DIS3L2: variants seen among roughly 807,000 people sequenced by gnomAD.
DIS3L2 encodes DIS3 like 3'-5' exoribonuclease 2.
In DIS3L2, 34 loss-of-function variants were observed where a neutral mutation model predicts 97.5. The ratio of observed to expected loss-of-function variants is 0.35; its 90% CI spans 0.27 to 0.46. The LOEUF is 0.46. Among genes scored for constraint, DIS3L2 ranks in the 20% least tolerant of loss-of-function variants. The pLI, the probability that DIS3L2 is intolerant of heterozygous loss-of-function variation, is 1.00. For synonymous variants in DIS3L2, 435 were observed against 445.2 expected (o/e 0.98, Z 0.29); for missense variants, 1,038 against 1,146.0 (o/e 0.91, Z 1.36).
intron 6 of DIS3L2, among the ~76,000 whole-genome samples, chr2:232,114,200 C>T (rs751467031): frequency 8.6e-5 from 13 of 151,974 alleles, no homozygotes; most frequent in East Asian, 3.9e-4. Flanking sequence ...ATAAGACTCC[C>T]GTCCCTCCCA....
At chr2:232,335,648 A>G in intron 19 of DIS3L2, 125 bp from the exon 20 acceptor site, 2 of 1,102,176 alleles carry the variant, frequency 1.8e-6, no homozygotes, top group Admixed American at 4.7e-5. Context: ...AGCTCCCTCC[A>G]GCCAGGCAAG....
chr2:232,321,065 TAA>T (rs1412476322), intron 14 of DIS3L2, among the ~76,000 whole-genome samples: 3 of 152,074 alleles, frequency 2.0e-5, no homozygotes, highest in African/African-American at 7.2e-5. Flanking sequence ...CAGGGTGGCC[TAA>T]GAGTCTGGGT....
intron 9 of DIS3L2, among the ~76,000 whole-genome samples, chr2:232,183,806 A>C (rs1691358583): frequency 6.6e-6 from 1 of 152,210 alleles, no homozygotes; most frequent in Admixed American, 6.5e-5. Context: ...GATGAAGGTC[A>C]AATTAAGCAA....
At chr2:232,223,061 G>A (rs1282674154) in intron 10 of DIS3L2, among the ~76,000 whole-genome samples, 2 of 152,184 alleles carry the variant, frequency 1.3e-5, no homozygotes, top group African/African-American at 4.8e-5. Context: ...ATGTCTCAGT[G>A]CACCTTGTTA....
At chr2:232,180,342 C>T in intron 9 of DIS3L2, among the ~76,000 whole-genome samples, 1 of 30,610 alleles carries the variant, frequency 3.3e-5, no homozygotes, top group Non-Finnish European at 7.8e-5. Context: ...TGGTGCAGAG[C>T]TGAGTTCAAT....
intron 1 of DIS3L2, among the ~76,000 whole-genome samples, chr2:231,967,692 A>G (rs1262584128): frequency 1.3e-5 from 2 of 152,148 alleles, no homozygotes; most frequent in Non-Finnish European, 2.9e-5. Flanking sequence ...TGTTGAAATA[A>G]TGCATTTATT....
intron 8 of DIS3L2, among the ~76,000 whole-genome samples, chr2:232,154,924 G>T (rs1444535381): frequency 5.4e-5 from 5 of 93,192 alleles, no homozygotes; most frequent in Non-Finnish European, 1.1e-4. Flanking sequence ...TTCTTAAGCC[G>T]GTCTGAAAAG....
chr2:232,017,197 G>T (rs1041234919), intron 3 of DIS3L2, among the ~76,000 whole-genome samples: 3 of 151,814 alleles, frequency 2.0e-5, no homozygotes, highest in Non-Finnish European at 4.4e-5. Context: ...AGCGATTCTT[G>T]TGCCTCAGCC....
At chr2:232,116,276 G>A (rs1370340030) in intron 6 of DIS3L2, among the ~76,000 whole-genome samples, 2 of 152,162 alleles carry the variant, frequency 1.3e-5, no homozygotes, top group Non-Finnish European at 2.9e-5. Flanking sequence ...CTCAAGAAGG[G>A]AAGGCTCGAG....
At chr2:232,288,299 A>C (rs1483869830) in intron 13 of DIS3L2, among the ~76,000 whole-genome samples, 1 of 152,364 alleles carries the variant, frequency 6.6e-6, no homozygotes, top group Non-Finnish European at 1.5e-5. Context: ...CTTCACTGCC[A>C]CTTGGTTCTC....
chr2:232,303,295 T>C (rs1020429995), intron 14 of DIS3L2, among the ~76,000 whole-genome samples: 2 of 151,946 alleles, frequency 1.3e-5, no homozygotes, highest in African/African-American at 2.4e-5. Flanking sequence ...TGTTCCTCTG[T>C]TTCCATTTAG....
intron 8 of DIS3L2, among the ~76,000 whole-genome samples, chr2:232,157,858 A>G (rs1690538943): frequency 6.6e-6 from 1 of 152,158 alleles, no homozygotes; most frequent in Admixed American, 6.5e-5. Context: ...TCCCTTGAGC[A>G]AGCACTGCAG....
intron 1 of DIS3L2, among the ~76,000 whole-genome samples, chr2:231,962,960 A>T (rs1181861476): frequency 7.4e-5 from 11 of 149,058 alleles, no homozygotes; most frequent in African/African-American, 7.3e-5. Context: ...GTACATCCAC[A>T]TTTTTTTTTT....
chr2:232,194,992 T>G (rs1054986640), intron 9 of DIS3L2, among the ~76,000 whole-genome samples: 1 of 152,164 alleles, frequency 6.6e-6, no homozygotes, highest in African/African-American at 2.4e-5. Context: ...TATTTAATAT[T>G]AAAATCAGCC....
rs767240850 is a variant in DIS3L2 at position 232,210,442 on chromosome 2, G to C, written c.1204+37G>C. The stretch of plus-strand genomic sequence containing the variant: ...ATTTCTATAGCATCTTGGGTAGCAG[G>C]CAGTCTGCATGCCTGTGTGGTTAGC... On this transcript the variant is annotated intron_variant, in intron 10 of 20. Coordinates refer to ENST00000325385, the MANE Select transcript of DIS3L2 (RefSeq NM_152383.5). 3.2e-6 allele frequency: 5 copies of C among 1,576,832 alleles called. No homozygotes were observed. The South Asian group carries it at 4.4e-5, about 14-fold the overall frequency.
intron 9 of DIS3L2, among the ~76,000 whole-genome samples, chr2:232,164,024 G>A (rs1690733415): frequency 6.6e-6 from 1 of 152,170 alleles, no homozygotes. Flanking sequence ...TTGCAACCAA[G>A]ACCATATGGC....
intron 5 of DIS3L2, among the ~76,000 whole-genome samples, chr2:232,074,571 C>CTT (rs66518544): frequency 6.0e-4 from 62 of 104,170 alleles, no homozygotes; most frequent in African/African-American, 1.7e-3. Flanking sequence ...ATCAAGGAAC[C>CTT]TTTTTTTTTT....
At chr2:232,329,785 T>TCCCCGGGGGGGC in intron 14 of DIS3L2, 28 bp from the exon 15 acceptor site, 118 of 967,070 alleles carry the variant, frequency 1.2e-4, no homozygotes, top group Non-Finnish European at 1.3e-4. Flanking sequence ...ACCCCAGCGG[T>TCCCCGGGGGGGC]CCCTCCCATC....
Position 232,001,672 on chromosome 2 carries a change from C to T in DIS3L2, c.-93-13163C>T, listed in dbSNP as rs1230606811. 3.4e-5 allele frequency among the ~76,000 whole-genome samples: 5 copies of T among 145,142 alleles called. No individual in the cohort carries two copies. In the East Asian group the frequency reaches 6.0e-4, roughly 17 times the overall value. ...ACTTTATTTAACTCCATGTTTTTTC[C>T]CAGTGGTTTTCAGTGTCAGGCCTTA... On this transcript the variant is annotated intron_variant, in intron 1 of 20. Transcript: ENST00000325385.
Sources: gnomAD v4.1 joint callset for allele counts (sites outside exome capture counted in the v4.1 genomes callset) on GRCh38, gnomAD v4.1.1 for gene constraint, MANE v1.5 for transcripts, NCBI Gene and HGNC (gene_info 2026-07-23, HGNC 2026-07-21) for gene names.